The following CCDC85C variants were observed in gnomAD, a reference collection of about 807,000 sequenced individuals.
CCDC85C encodes the protein coiled-coil domain containing 85C.
In CCDC85C, 18 loss-of-function variants were observed where a neutral mutation model predicts 38.3. The observed-to-expected ratio is 0.47, with a 90% confidence interval of 0.33 to 0.70. CCDC85C has a LOEUF of 0.70. CCDC85C is among the 30% of genes least tolerant of loss of function. The pLI, the probability that CCDC85C is intolerant of heterozygous loss-of-function variation, is 0.03. For missense variants in CCDC85C, 566 were observed against 621.2 expected (o/e 0.91, Z 0.94); for synonymous variants, 264 against 293.8 (o/e 0.90, Z 1.04).
rs1242655843 is a variant in CCDC85C, at chr14:99,510,328, C to G, written c.*4918G>C. Reference sequence around the variant, plus strand: ...CCCCCACCCCCCTCCAGCTACATGACCGGGATGTCCACCACCAGCTCCTAC... The same window carrying G: ...CCCCCACCCCCCTCCAGCTACATGAGCGGGATGTCCACCACCAGCTCCTAC... On this transcript the variant is annotated 3_prime_UTR_variant, in exon 6 of 6. Transcript: ENST00000380243. The G allele has an allele frequency of 1.6e-5, 21 of 1,332,694 alleles. No homozygotes were observed. Among genetic ancestry groups the G allele is most frequent in the Non-Finnish European group, 2.1e-5 (20 of 937,502 alleles). The allele number at this position is 1,332,694 out of a possible 1,614,324, so 82.6% of individuals were successfully genotyped here.
At chr14:99,522,604 C>T (rs1331600948) in intron 2 of CCDC85C, 12 of 183,930 alleles carry the variant, frequency 6.5e-5, no homozygotes, top group Admixed American at 5.9e-4. Flanking sequence ...CCCTTGGGTC[C>T]CTGCACAGAC....
At chr14:99,601,380 G>A (rs995796328) in intron 1 of CCDC85C, among the ~76,000 whole-genome samples, 1 of 152,154 alleles carries the variant, frequency 6.6e-6, no homozygotes, top group African/African-American at 2.4e-5. Context: ...ATTATTCACT[G>A]TCGCAGCTGA....
chr14:99,526,272 A>C (rs1897381781), intron 2 of CCDC85C, among the ~76,000 whole-genome samples: 1 of 152,164 alleles, frequency 6.6e-6, no homozygotes, highest in Non-Finnish European at 1.5e-5. Context: ...CCCTCAGAGC[A>C]ATGGGAACCT....
In CCDC85C at chr14:99,558,674, G is replaced by A. The variant is rs1898056592; in HGVS notation, c.794-22586C>T. On this transcript the variant is annotated intron_variant, in intron 1 of 5. Transcript: ENST00000380243. This position sits in a 1 kb window ranked among gnomAD's most constrained non-coding sequence, Gnocchi z 4.2. ...AATCCAATGACTGGTGTCCTTGTAA[G>A]AGACAGAAAAGGGCAAATGGAAACA... Among the ~76,000 whole-genome samples, 1 of 152,150 alleles carries A rather than the reference G, an allele frequency of 6.6e-6. No homozygotes were observed. Among genetic ancestry groups the A allele is most frequent in the Admixed American group, 6.6e-5 (1 of 15,260 alleles).
intron 1 of CCDC85C, among the ~76,000 whole-genome samples, chr14:99,581,984 G>C (rs571479021): frequency 6.6e-6 from 1 of 152,262 alleles, no homozygotes; most frequent in South Asian, 2.1e-4. Flanking sequence ...AGCATGCCCC[G>C]TTTCCCCAGG....
At position 99,569,732 on chromosome 14, in the gene CCDC85C, AC is replaced by A. The variant is rs1898296836; in HGVS notation, c.793+33434del. ...TCTGCTTCCCCCCAACATGTCACAC[AC>A]CCCACATTTCAGGTGCAATGCTCCA... is the stretch of plus-strand genomic sequence containing the variant. On this transcript the variant is annotated intron_variant, in intron 1 of 5. Coordinates refer to ENST00000380243, the MANE Select transcript of CCDC85C (RefSeq NM_001144995.2). The surrounding 1 kb of genome is among the most constrained non-coding windows in gnomAD (Gnocchi z 4.3). Among the ~76,000 whole-genome samples the A allele has an allele frequency of 6.6e-6, 1 of 151,966 alleles. No individual in the cohort carries two copies. The highest frequency in any genetic ancestry group is 1.5e-5 in the Non-Finnish European group (1 of 68,002).
chr14:99,548,789 C>G lies in CCDC85C; in HGVS notation c.794-12701G>C, dbSNP rs1269962346. ...CGGGCAATCTAAAAAAAGACCACCT[C>G]TAAAAACTAAAAGCAAAAAAACCCA... is the stretch of plus-strand genomic sequence containing the variant. On this transcript the variant is annotated intron_variant, in intron 1 of 5. Transcript: ENST00000380243. This position sits in a 1 kb window ranked among gnomAD's most constrained non-coding sequence, Gnocchi z 4.9. Among the ~76,000 whole-genome samples the G allele has an allele frequency of 6.6e-6, 1 of 152,078 alleles. No individual in the cohort carries two copies. The highest frequency in any genetic ancestry group is 1.5e-5 in the Non-Finnish European group (1 of 68,022).
At chr14:99,595,895 C>T (rs918535457) in intron 1 of CCDC85C, among the ~76,000 whole-genome samples, 2 of 152,222 alleles carry the variant, frequency 1.3e-5, no homozygotes, top group African/African-American at 4.8e-5. Flanking sequence ...TTGCTGTCAG[C>T]ACAGTGCCAG....
chr14:99,583,691 C>T (rs1396766055), intron 1 of CCDC85C, among the ~76,000 whole-genome samples: 4 of 151,692 alleles, frequency 2.6e-5, no homozygotes, highest in African/African-American at 9.7e-5. Context: ...GCCTGTAGTC[C>T]CACCTACTCA....
chr14:99,562,641 C>T (rs1394004354), intron 1 of CCDC85C, among the ~76,000 whole-genome samples: 1 of 152,168 alleles, frequency 6.6e-6, no homozygotes, highest in African/African-American at 2.4e-5. Context: ...CAGGGAACCC[C>T]CAACCTGGGT....
intron 1 of CCDC85C, among the ~76,000 whole-genome samples, chr14:99,565,946 G>A (rs905653017): frequency 1.3e-4 from 20 of 152,198 alleles, no homozygotes; most frequent in Admixed American, 4.6e-4. Flanking sequence ...GGGCTGCTGC[G>A]CCCGTCTGCT....
At position 99,510,601 on chromosome 14, in the gene CCDC85C, C is replaced by A; in HGVS notation, c.*4645G>T. On this transcript the variant is annotated 3_prime_UTR_variant, in exon 6 of 6. Transcript: ENST00000380243. Reference sequence around the variant, plus strand: ...TACAACCCCAACTTCCCACCCCCACCCCCACGCCTCCCGCCTACCCACGCA... The same window carrying A: ...TACAACCCCAACTTCCCACCCCCACACCCACGCCTCCCGCCTACCCACGCA... 1.1e-6 allele frequency: 1 copy of A among 902,126 alleles called. No individual in the cohort carries two copies. The highest frequency in any genetic ancestry group is 1.6e-6 in the Non-Finnish European group (1 of 640,466). 55.9% of individuals were successfully genotyped at this position (902,126 alleles called of 1,614,324 possible).
At chr14:99,555,935 C>A (rs1319459288) in intron 1 of CCDC85C, among the ~76,000 whole-genome samples, 12 of 152,242 alleles carry the variant, frequency 7.9e-5, no homozygotes, top group Non-Finnish European at 4.4e-5. Context: ...GCTGTTCTTG[C>A]CCAAAATGCA....
Position 99,515,083 on chromosome 14 carries a change from A to T in CCDC85C, c.*163T>A. The T allele has an allele frequency of 3.5e-6, 2 of 579,364 alleles. No homozygotes were observed. The highest frequency in any genetic ancestry group is 6.1e-6 in the Non-Finnish European group (2 of 326,750). 35.9% of individuals were successfully genotyped at this position (579,364 alleles called of 1,614,324 possible). On this transcript the variant is annotated 3_prime_UTR_variant, in exon 6 of 6. Coordinates refer to ENST00000380243, the MANE Select transcript of CCDC85C (RefSeq NM_001144995.2). ...GGGAGATGGCGGCTTGGGCCAGTGC[A>T]TCGGACCCATGGCAGCTGGGCCAGG...
In CCDC85C at chr14:99,603,676, C is replaced by CG. The variant is rs911264155; in HGVS notation, c.283dup (p.Arg95ProfsTer190). 6.7e-7 allele frequency: 1 copy of CG among 1,494,500 alleles called. No homozygotes were observed. Among genetic ancestry groups the CG allele is most frequent in the African/African-American group, 1.4e-5 (1 of 68,980 alleles). 92.6% of individuals were successfully genotyped at this position (1,494,500 alleles called of 1,614,324 possible). A position where few individuals can be genotyped will look rare whatever the true frequency, so the allele number is the denominator to read the frequency against. Reference sequence around the variant, plus strand: ...GCGCGCCAGCTTGCGCCCCTTCTGCCGGTCGTCGTCGAGGAAGCAGCAGAG... The same window carrying CG: ...GCGCGCCAGCTTGCGCCCCTTCTGCCGGGTCGTCGTCGAGGAAGCAGCAGAG... On this transcript the variant is annotated frameshift_variant, in exon 1 of 6. Transcript: ENST00000380243. LOFTEE classifies it high-confidence loss of function. This position sits in a 1 kb window ranked among gnomAD's most constrained non-coding sequence, Gnocchi z 7.5.
intron 1 of CCDC85C, among the ~76,000 whole-genome samples, chr14:99,561,951 C>T (rs1229900736): frequency 6.6e-6 from 1 of 152,166 alleles, no homozygotes; most frequent in Non-Finnish European, 1.5e-5. Context: ...GTGCTTATCC[C>T]CTCCTTCCTC....
chr14:99,560,183 GCCCTC>G (rs1898090537), intron 1 of CCDC85C, among the ~76,000 whole-genome samples: 1 of 152,078 alleles, frequency 6.6e-6, no homozygotes, highest in South Asian at 2.1e-4. Context: ...ACCAAAGGCT[GCCCTC>G]TTAGCAAGGA....
In CCDC85C at chr14:99,503,884, A is replaced by G. The variant is rs777075018; in HGVS notation, c.*11362T>C. The G allele has an allele frequency of 1.9e-6, 1 of 530,832 alleles. No homozygotes were observed. Among genetic ancestry groups the G allele is most frequent in the Non-Finnish European group, 3.3e-6 (1 of 299,210 alleles). The allele number at this position is 530,832 out of a possible 1,614,324, so 32.9% of individuals were successfully genotyped here. On this transcript the variant is annotated 3_prime_UTR_variant, in exon 6 of 6. Transcript: ENST00000380243. ...TACTGGCAATAAAAATGTACTCAGT[A>G]ACATATATAAAAGTATAATTATGGC...
chr14:99,553,677 G>A (rs2092962), intron 1 of CCDC85C, among the ~76,000 whole-genome samples: 80,822 of 152,074 alleles, frequency 0.53, 21,674 homozygotes, highest in African/African-American at 0.58. Context: ...TCTTGAACAC[G>A]TGGCATCCCT....
Sources: gnomAD v4.1 joint callset for allele counts (sites outside exome capture counted in the v4.1 genomes callset) on GRCh38, gnomAD v4.1.1 for gene constraint, Gnocchi (gnomAD v3.1) non-coding constraint, MANE v1.5 for transcripts, NCBI Gene and HGNC (gene_info 2026-07-23, HGNC 2026-07-21) for gene names.